The following GADL1 variants were observed in gnomAD, a reference collection of about 807,000 sequenced individuals.
GADL1 encodes acidic amino acid decarboxylase GADL1.
A neutral mutation model predicts 69.5 loss-of-function variants in GADL1; 71 were observed. That is an observed-to-expected ratio of 1.02 (90% CI 0.84 to 1.25). The LOEUF (loss-of-function observed/expected upper bound fraction) is 1.25, where lower values mean the gene tolerates loss of function less well. Among genes scored for constraint, GADL1 ranks in the 50% most tolerant of loss-of-function variants. The pLI is 0.00. For missense variants in GADL1, 737 were observed against 631.8 expected (o/e 1.17, Z -1.79); for synonymous variants, 254 against 214.4 (o/e 1.18, Z -1.62).
intron 11 of GADL1, among the ~76,000 whole-genome samples, chr3:30,818,170 G>A (rs1168536646): frequency 6.6e-6 from 1 of 152,112 alleles, no homozygotes; most frequent in East Asian, 1.9e-4. Context: ...TGGACCAGAG[G>A]CTAAGAAGAC....
chr3:30,802,172 C>T (rs904514684), intron 11 of GADL1, among the ~76,000 whole-genome samples: 27 of 152,132 alleles, frequency 1.8e-4, no homozygotes, highest in Non-Finnish European at 8.8e-5. Flanking sequence ...AAAGGAGTAA[C>T]TGGTATTTGG....
Position 30,754,482 on chromosome 3 carries a change from G to A in GADL1, c.1392+23697C>T, listed in dbSNP as rs1244977428. Among the ~76,000 whole-genome samples, 5 of 132,058 alleles carry A rather than the reference G, an allele frequency of 3.8e-5. No homozygotes were observed. In the East Asian group the frequency reaches 6.6e-4, roughly 17 times the overall value. 86.6% of individuals were successfully genotyped at this position (132,058 alleles called of 152,430 possible). On this transcript the variant is annotated intron_variant, in intron 14 of 14. Transcript: ENST00000282538. ...ATAGGAATGCCAATGACGGACTCTC[G>A]AATCTTCAGGAGTTCTGGGAGCATC...
intron 1 of GADL1, among the ~76,000 whole-genome samples, chr3:30,872,648 G>A (rs1698509367): frequency 6.6e-6 from 1 of 151,800 alleles, no homozygotes; most frequent in African/African-American, 2.4e-5. Context: ...ACCCTTTTGT[G>A]GGTATCTCCA....
At chr3:30,751,529 A>C (rs568596515) in intron 14 of GADL1, among the ~76,000 whole-genome samples, 2 of 151,430 alleles carry the variant, frequency 1.3e-5, no homozygotes, top group East Asian at 3.9e-4. Flanking sequence ...CTATTTGCCT[A>C]TGAAAATAGG....
In GADL1 at chr3:30,810,041, G is replaced by A. The variant is rs73063006; in HGVS notation, c.1051-8953C>T. 0.018 allele frequency among the ~76,000 whole-genome samples: 2,710 copies of A among 152,170 alleles called. 268 individuals are homozygous for A. In the East Asian group the frequency reaches 0.32, roughly 18 times the overall value. ...TGCTTGTGATTGAATTTCTGTTCTG[G>A]TGAACAGTCTGCCCTGTTCTCTTCT... On this transcript the variant is annotated intron_variant, in intron 11 of 14. Coordinates refer to ENST00000282538, the MANE Select transcript of GADL1 (RefSeq NM_207359.3).
chr3:30,792,398 C>T (rs1330047306), intron 12 of GADL1, among the ~76,000 whole-genome samples: 4 of 152,050 alleles, frequency 2.6e-5, no homozygotes, highest in Non-Finnish European at 5.9e-5. Flanking sequence ...CATGGTGAAA[C>T]CCCATCTCTA....
intron 14 of GADL1, among the ~76,000 whole-genome samples, chr3:30,746,577 T>C (rs1007961512): frequency 7.9e-5 from 12 of 151,926 alleles, no homozygotes; most frequent in Non-Finnish European, 1.5e-4. Context: ...GTGAGACAGG[T>C]GATGGGGTGA....
At chr3:30,825,538 T>C (rs1427988211) in intron 11 of GADL1, among the ~76,000 whole-genome samples, 2 of 151,952 alleles carry the variant, frequency 1.3e-5, no homozygotes. Context: ...TAAGATATCT[T>C]CCTTGGAAAC....
At position 30,801,184 on chromosome 3, in the gene GADL1, C is replaced by G. The variant is rs1342359331; in HGVS notation, c.1051-96G>C. 46 of 879,160 alleles carry G rather than the reference C, an allele frequency of 5.2e-5. No homozygotes were observed. In the East Asian group the frequency reaches 1.2e-3, roughly 23 times the overall value. The allele number at this position is 879,160 out of a possible 1,614,324, so 54.5% of individuals were successfully genotyped here. ...TACACACACAATGTGTATATTCTAC[C>G]TGTGCCAAGTGTACATCTCACTTTG... On this transcript the variant is annotated intron_variant, in intron 11 of 14. Transcript: ENST00000282538.
intron 14 of GADL1, among the ~76,000 whole-genome samples, chr3:30,752,543 C>T (rs1363283768): frequency 2.6e-5 from 4 of 152,164 alleles, no homozygotes; most frequent in Non-Finnish European, 5.9e-5. Context: ...TTCTTTAAAT[C>T]ACCATAACCA....
Position 30,786,338 on chromosome 3 carries a change from AT to A in GADL1, c.1302+16del. ...GTTAACTGACAAAATCACAAGCACA[AT>A]TATGCAATCACTTACTTCCATCAGT... On this transcript the variant is annotated intron_variant, in intron 13 of 14. Coordinates refer to ENST00000282538, the MANE Select transcript of GADL1 (RefSeq NM_207359.3). The A allele has an allele frequency of 6.6e-7, 1 of 1,510,486 alleles. No homozygotes were observed. 93.6% of individuals were successfully genotyped at this position (1,510,486 alleles called of 1,614,324 possible). A position where few individuals can be genotyped will look rare whatever the true frequency, so the allele number is the denominator to read the frequency against.
intron 14 of GADL1, among the ~76,000 whole-genome samples, chr3:30,752,770 C>T (rs904339717): frequency 6.6e-6 from 1 of 152,102 alleles, no homozygotes; most frequent in African/African-American, 2.4e-5. Context: ...GATTTGTTAG[C>T]ATTTGAGATG....
chr3:30,805,441 C>T (rs538364119), intron 11 of GADL1, among the ~76,000 whole-genome samples: 1 of 148,074 alleles, frequency 6.8e-6, no homozygotes, highest in South Asian at 2.2e-4. Context: ...AACTAAGATC[C>T]TGTTTCAAAC....
intron 14 of GADL1, among the ~76,000 whole-genome samples, chr3:30,751,793 G>A (rs1559487000): frequency 6.9e-6 from 1 of 145,176 alleles, no homozygotes; most frequent in African/African-American, 2.4e-5. Context: ...ATGGCTCATA[G>A]TTTTTAGAGG....
Position 30,728,190 on chromosome 3 carries a change from A to ATCTAAACTC in GADL1, c.*43_*51dup. On this transcript the variant is annotated 3_prime_UTR_variant, in exon 15 of 15. Coordinates refer to ENST00000282538, the MANE Select transcript of GADL1 (RefSeq NM_207359.3). ...ACTGTGTATCTCCAAGATGTTCTGG[A>ATCTAAACTC]TCTAAACTCTCCCAGGATAGGATCT... is the stretch of plus-strand genomic sequence containing the variant. The ATCTAAACTC allele has an allele frequency of 6.7e-7, 1 of 1,492,012 alleles. No individual in the cohort carries two copies. Among genetic ancestry groups the ATCTAAACTC allele is most frequent in the Non-Finnish European group, 9.3e-7 (1 of 1,072,302 alleles). 92.4% of individuals were successfully genotyped at this position (1,492,012 alleles called of 1,614,324 possible).
chr3:30,779,813 T>G (rs1379748781), intron 13 of GADL1, among the ~76,000 whole-genome samples: 1 of 152,168 alleles, frequency 6.6e-6, no homozygotes, highest in Non-Finnish European at 1.5e-5. Flanking sequence ...CCTAAAATAA[T>G]GTAGGTGGAC....
intron 9 of GADL1, among the ~76,000 whole-genome samples, chr3:30,836,799 G>A (rs1389908): frequency 0.33 from 49,333 of 151,760 alleles, 11,296 homozygotes; most frequent in African/African-American, 0.66. Flanking sequence ...CTCTGATTTT[G>A]AAGAAGAGCT....
chr3:30,784,645 T>G (rs574476326), intron 13 of GADL1, among the ~76,000 whole-genome samples: 1 of 152,242 alleles, frequency 6.6e-6, no homozygotes, highest in Non-Finnish European at 1.5e-5. Context: ...CTTTGGCTAC[T>G]AAAAACAGTT....
intron 11 of GADL1, among the ~76,000 whole-genome samples, chr3:30,803,686 C>T (rs1347329714): frequency 6.6e-6 from 1 of 152,082 alleles, no homozygotes; most frequent in Admixed American, 6.5e-5. Context: ...GGAAGGTTTC[C>T]TAAAGAACAA....
Sources: gnomAD v4.1 joint callset for allele counts (sites outside exome capture counted in the v4.1 genomes callset) on GRCh38, gnomAD v4.1.1 for gene constraint, MANE v1.5 for transcripts, NCBI Gene and HGNC (gene_info 2026-07-23, HGNC 2026-07-21) for gene names.